NEDD4: variants seen among roughly 807,000 people sequenced by gnomAD.
NEDD4 encodes E3 ubiquitin-protein ligase NEDD4.
NEDD4 carries 99 observed loss-of-function variants against 144.9 expected under a neutral mutation model. The observed-to-expected ratio is 0.68, with a 90% CI of 0.58 to 0.81. The LOEUF (loss-of-function observed/expected upper bound fraction) is 0.81, where lower values mean the gene tolerates loss of function less well. NEDD4 is among the 30% of genes least tolerant of loss of function. The pLI, the probability that NEDD4 is intolerant of heterozygous loss-of-function variation, is 0.00. For synonymous variants in NEDD4, 318 were observed against 350.6 expected, an observed-to-expected ratio of 0.91 and a Z score of 1.04; for missense variants, 985 against 1,065.9, an observed-to-expected ratio of 0.92 and a Z score of 1.06.
intron 2 of NEDD4, among the ~76,000 whole-genome samples, 194 bp from the exon 3 acceptor site, chr15:55,951,783 C>G (rs1182144531): frequency 6.6e-6 from 1 of 151,830 alleles, no homozygotes; most frequent in Non-Finnish European, 1.5e-5. Flanking sequence ...ACCTGAAGTA[C>G]CATGTTAGTG....
At chr15:55,908,620 GA>G (rs2036175851) in intron 5 of NEDD4, among the ~76,000 whole-genome samples, 4 of 152,162 alleles carry the variant, frequency 2.6e-5, no homozygotes, top group Admixed American at 2.6e-4. Flanking sequence ...GAGACCTACT[GA>G]ACCAGAACCA....
At chr15:55,950,045 T>C (rs545093055) in intron 4 of NEDD4, among the ~76,000 whole-genome samples, 48 of 151,164 alleles carry the variant, frequency 3.2e-4, no homozygotes, top group African/African-American at 1.1e-3. Flanking sequence ...ACTCAACAAC[T>C]TGGGAATTTA....
intron 5 of NEDD4, among the ~76,000 whole-genome samples, chr15:55,906,638 G>T (rs567783842): frequency 6.6e-6 from 1 of 151,672 alleles, no homozygotes; most frequent in Admixed American, 6.6e-5. Flanking sequence ...GTTGTGGGGT[G>T]GGGGGCTGGG....
At chr15:55,937,861 T>C (rs972582124) in intron 4 of NEDD4, among the ~76,000 whole-genome samples, 1 of 152,192 alleles carries the variant, frequency 6.6e-6, no homozygotes, top group Non-Finnish European at 1.5e-5. Flanking sequence ...ACCCTGCATC[T>C]TGAGAAAGAA....
At chr15:55,975,570 C>G (rs1348096264) in intron 1 of NEDD4, among the ~76,000 whole-genome samples, 2 of 151,174 alleles carry the variant, frequency 1.3e-5, no homozygotes, top group African/African-American at 4.9e-5. Context: ...TAAACTTAAC[C>G]AAAGAAGTGA....
At chr15:55,884,988 C>G (rs142044619) in intron 5 of NEDD4, among the ~76,000 whole-genome samples, 115 of 152,180 alleles carry the variant, frequency 7.6e-4, no homozygotes, top group African/African-American at 2.0e-3. Flanking sequence ...CTAAATAAGA[C>G]TCCTCAAGAT....
At chr15:55,932,785 A>G (rs1465801081) in intron 4 of NEDD4, among the ~76,000 whole-genome samples, 2 of 152,212 alleles carry the variant, frequency 1.3e-5, no homozygotes, top group Non-Finnish European at 2.9e-5. Flanking sequence ...CAAAGGGCTA[A>G]TATCCAAAAT....
chr15:55,838,205 T>C, intron 22 of NEDD4, 25 bp from the exon 23 acceptor site: 1 of 1,489,046 alleles, frequency 6.7e-7, no homozygotes, highest in Middle Eastern at 1.9e-4. Flanking sequence ...AATAACTTGA[T>C]ATGTTATTTT....
In NEDD4 at chr15:55,915,718, C is replaced by T; in HGVS notation, c.291+8928G>A. Reference sequence around the variant, plus strand: ...AAATGCACTGAAACACAAGAATATCCTTCAGATGACTTTTCACAGACAGTC... The same window carrying T: ...AAATGCACTGAAACACAAGAATATCTTTCAGATGACTTTTCACAGACAGTC... On this transcript the variant is annotated intron_variant, in intron 5 of 28. Coordinates refer to ENST00000435532, the MANE Select transcript of NEDD4 (RefSeq NM_006154.4). 1 of 1,613,952 alleles carries T rather than the reference C, an allele frequency of 6.2e-7. No individual in the cohort carries two copies. The highest frequency in any genetic ancestry group is 8.5e-7 in the Non-Finnish European group (1 of 1,179,922).
chr15:55,830,029 A>G (rs781576378), intron 28 of NEDD4, 30 bp from the exon 29 acceptor site: 14 of 1,530,054 alleles, frequency 9.2e-6, no homozygotes, highest in Non-Finnish European at 1.1e-5. Flanking sequence ...GTGGTTATGA[A>G]AGACACTGAC....
chr15:55,958,270 G>A (rs1402989992), intron 2 of NEDD4, among the ~76,000 whole-genome samples: 1 of 152,160 alleles, frequency 6.6e-6, no homozygotes, highest in Non-Finnish European at 1.5e-5. Context: ...CACATTCCAT[G>A]CCAAGTGAAA....
chr15:55,868,227 G>A (rs905536697), intron 8 of NEDD4, among the ~76,000 whole-genome samples: 4 of 152,270 alleles, frequency 2.6e-5, no homozygotes, highest in African/African-American at 9.6e-5. Context: ...CCTAGCCCCT[G>A]GGGAAGGCCC....
intron 5 of NEDD4, among the ~76,000 whole-genome samples, chr15:55,890,564 A>T (rs1365497388): frequency 2.0e-5 from 3 of 152,094 alleles, no homozygotes; most frequent in African/African-American, 2.4e-5. Flanking sequence ...ACCACATTTT[A>T]TTTATCCATT....
chr15:55,901,831 A>G (rs1016346285), intron 5 of NEDD4, among the ~76,000 whole-genome samples: 2 of 152,144 alleles, frequency 1.3e-5, no homozygotes, highest in Admixed American at 1.3e-4. Flanking sequence ...AGATAATGAG[A>G]GCTACTCTTT....
chr15:55,880,916 C>T lies in NEDD4; in HGVS notation c.292-6908G>A, dbSNP rs112767718. On this transcript the variant is annotated intron_variant, in intron 5 of 28. Transcript: ENST00000435532. ...AGCTAATATATATTTAAAATACTGG[C>T]GTATATAATGAAACCCCTGCTCCCC... Among the ~76,000 whole-genome samples, 3 of 152,210 alleles carry T rather than the reference C, an allele frequency of 2.0e-5. 1 individual carries two copies. Among genetic ancestry groups the T allele is most frequent in the African/African-American group, 7.2e-5 (3 of 41,534 alleles).
chr15:55,893,449 A>C (rs1326621036), intron 5 of NEDD4, among the ~76,000 whole-genome samples: 5 of 152,070 alleles, frequency 3.3e-5, no homozygotes, highest in Non-Finnish European at 7.4e-5. Context: ...AAAGACCAGA[A>C]TACAATTAAA....
rs2037934375 is a variant in NEDD4 at position 55,988,501 on chromosome 15, A to AAG, written c.45+5009_45+5010insCT. On this transcript the variant is annotated intron_variant, in intron 1 of 28. Transcript: ENST00000435532. ...AAAAAAAAAATTAAAAAAAAAAAAA[A>AAG]AAAAAGAAAAACTGAGGAAATGTTA... is the stretch of plus-strand genomic sequence containing the variant. Among the ~76,000 whole-genome samples, 6 of 149,070 alleles carry AAG rather than the reference A, an allele frequency of 4.0e-5. No homozygotes were observed. The South Asian group carries it at 8.5e-4, about 21-fold the overall frequency.
chr15:55,826,967 A>G lies in NEDD4; in HGVS notation c.*2930T>C, dbSNP rs1159211873. 4.6e-5 allele frequency: 7 copies of G among 152,346 alleles called. No homozygotes were observed. In the East Asian group the frequency reaches 1.3e-3, roughly 29 times the overall value. 9.4% of individuals were successfully genotyped at this position (152,346 alleles called of 1,614,324 possible). On this transcript the variant is annotated 3_prime_UTR_variant, in exon 29 of 29. Transcript: ENST00000435532. The stretch of plus-strand genomic sequence containing the variant: ...ATAGAACTTTATTTGTGGATTCAAG[A>G]TTTTAAAAAATGATTTTACACTTTA...
rs138656092 is a variant in NEDD4 at position 55,926,536 on chromosome 15, G to A, written c.238-1837C>T. Among the ~76,000 whole-genome samples the A allele has an allele frequency of 5.6e-4, 85 of 152,314 alleles. No individual in the cohort carries two copies. The East Asian group carries it at 0.015, about 27-fold the overall frequency. On this transcript the variant is annotated intron_variant, in intron 4 of 28. Transcript: ENST00000435532. ...TGTCATCCCAGCACTCCTAGGCTGA[G>A]GTGGGAGGATCACTTGAGCCCAGGA... is the stretch of plus-strand genomic sequence containing the variant.
Sources: gnomAD v4.1 joint callset for allele counts (sites outside exome capture counted in the v4.1 genomes callset) on GRCh38, gnomAD v4.1.1 for gene constraint, MANE v1.5 for transcripts, NCBI Gene and HGNC (gene_info 2026-07-23, HGNC 2026-07-21) for gene names.